The following LARP1B variants were observed in gnomAD, a reference collection of about 807,000 sequenced individuals.
LARP1B encodes the protein la-related protein 1B.
A neutral mutation model predicts 114.2 loss-of-function variants in LARP1B; 76 were observed. That is an observed-to-expected ratio of 0.67 (90% CI 0.55 to 0.81). The LOEUF is 0.81. Ranked by LOEUF, LARP1B falls within the 30% of genes least tolerant of loss-of-function variation. The probability of loss-of-function intolerance (pLI) is 0.00; values close to 1 mark genes in which losing one functional copy is unlikely to be tolerated. For synonymous variants in LARP1B, 345 were observed against 348.0 expected (o/e 0.99, Z 0.10); for missense variants, 1,014 against 1,075.8 (o/e 0.94, Z 0.80).
At chr4:128,141,287 A>G (rs973576664) in intron 11 of LARP1B, among the ~76,000 whole-genome samples, 19 of 152,156 alleles carry the variant, frequency 1.2e-4, no homozygotes, top group African/African-American at 4.3e-4. Flanking sequence ...ATCATTGGCT[A>G]GCGTCTGGGC....
chr4:128,115,207 A>G (rs1443854764), intron 10 of LARP1B, among the ~76,000 whole-genome samples: 1 of 152,166 alleles, frequency 6.6e-6, no homozygotes, highest in East Asian at 1.9e-4. Context: ...AAGTGCTGGG[A>G]TTAGAGGCAT....
chr4:128,194,552 G>A (rs1431481972), intron 15 of LARP1B, among the ~76,000 whole-genome samples: 1 of 151,480 alleles, frequency 6.6e-6, no homozygotes, highest in African/African-American at 2.4e-5. Flanking sequence ...GCATGGTGGC[G>A]GGCGCCTGTA....
chr4:128,214,012 T>A (rs1008714420), downstream of LARP1B, among the ~76,000 whole-genome samples: 1 of 150,458 alleles, frequency 6.6e-6, no homozygotes, highest in African/African-American at 2.5e-5. Flanking sequence ...GGTCAGGGAG[T>A]TCCCTTTCCG....
At chr4:128,190,900 T>C (rs1752050166) in intron 15 of LARP1B, among the ~76,000 whole-genome samples, 1 of 152,262 alleles carries the variant, frequency 6.6e-6, no homozygotes, top group Non-Finnish European at 1.5e-5. Flanking sequence ...ATAAGCTTAC[T>C]ACTCCTTGCT....
intron 11 of LARP1B, chr4:128,123,417 A>T (rs1304163676): frequency 1.1e-6 from 1 of 934,632 alleles, no homozygotes; most frequent in East Asian, 1.2e-4. Context: ...TAGAACAGAG[A>T]TACTAGTACA....
At chr4:128,221,543 C>G (rs6849865) in intron 7 of LARP1B, among the ~76,000 whole-genome samples, 97,628 of 152,056 alleles carry the variant, frequency 0.64, 32,861 homozygotes, top group Middle Eastern at 0.83. Flanking sequence ...AAACCAGAAT[C>G]CGCTGCTATT....
intron 15 of LARP1B, among the ~76,000 whole-genome samples, chr4:128,195,948 T>C (rs1007742198): frequency 2.0e-5 from 3 of 151,804 alleles, no homozygotes; most frequent in African/African-American, 7.3e-5. Context: ...CTTACAGAGA[T>C]AAAAAGGATA....
At chr4:128,140,084 A>G (rs1170245415) in intron 11 of LARP1B, among the ~76,000 whole-genome samples, 1 of 152,268 alleles carries the variant, frequency 6.6e-6, no homozygotes, top group Non-Finnish European at 1.5e-5. Context: ...AAAATATCTC[A>G]AATTTTAATA....
intron 11 of LARP1B, among the ~76,000 whole-genome samples, chr4:128,139,931 C>T (rs1312609219): frequency 6.6e-6 from 1 of 152,034 alleles, no homozygotes; most frequent in Non-Finnish European, 1.5e-5. Flanking sequence ...CATTTCCACT[C>T]AGGAATATAT....
intron 15 of LARP1B, among the ~76,000 whole-genome samples, chr4:128,191,545 G>T (rs929685277): frequency 1.3e-5 from 2 of 152,138 alleles, no homozygotes; most frequent in Admixed American, 1.3e-4. Flanking sequence ...CTGTCAGATG[G>T]TGGGGGTGGC....
Position 128,122,177 on chromosome 4 carries a change from A to T in LARP1B, c.1513A>T (p.Thr505Ser). The change falls in exon 11 of 20, where the codon ACA becomes TCA. Residue 505 changes from threonine (T) to serine (S), a missense_variant. Transcript: ENST00000326639. ...GATGGAAGAAGATGAAAACAAACAC[A>T]CAGCCATAAAGGTAATTGTTTCTGG... ...LWMEEDENKH[T>S]AIKQEVENFK... 1 of 1,613,824 alleles carries T rather than the reference A, an allele frequency of 6.2e-7. No homozygotes were observed. Among genetic ancestry groups the T allele is most frequent in the Non-Finnish European group, 8.5e-7 (1 of 1,179,786 alleles).
chr4:128,096,214 C>T (rs1043826730), intron 7 of LARP1B, among the ~76,000 whole-genome samples: 6 of 152,096 alleles, frequency 3.9e-5, no homozygotes, highest in Admixed American at 6.5e-5. Flanking sequence ...AGGATGGTCT[C>T]GATCTTCTGA....
chr4:128,185,363 G>A (rs530394972), intron 15 of LARP1B, among the ~76,000 whole-genome samples: 1 of 152,178 alleles, frequency 6.6e-6, no homozygotes, highest in East Asian at 1.9e-4. Flanking sequence ...CTTGATAAAA[G>A]CCATTTTAAC....
intron 11 of LARP1B, among the ~76,000 whole-genome samples, chr4:128,149,913 G>A (rs541077056): frequency 9.2e-5 from 14 of 152,208 alleles, no homozygotes; most frequent in Admixed American, 7.9e-4. Flanking sequence ...AGCATTTTGG[G>A]AGGCAGAGGC....
At chr4:128,110,462 A>G (rs1783662465) in intron 9 of LARP1B, among the ~76,000 whole-genome samples, 1 of 150,738 alleles carries the variant, frequency 6.6e-6, no homozygotes, top group Non-Finnish European at 1.5e-5. Context: ...TCACGAGGTC[A>G]GGAGATCGAG....
intron 11 of LARP1B, among the ~76,000 whole-genome samples, chr4:128,148,826 CAT>C (rs1337050707): frequency 6.6e-6 from 1 of 152,044 alleles, no homozygotes; most frequent in African/African-American, 2.4e-5. Context: ...GGGGTTTCAC[CAT>C]GTTGGCCTGG....
chr4:128,096,937 C>T (rs1561189466), intron 7 of LARP1B, among the ~76,000 whole-genome samples: 1 of 151,866 alleles, frequency 6.6e-6, no homozygotes, highest in Non-Finnish European at 1.5e-5. Flanking sequence ...GTCTTGCTCT[C>T]GCCCAGGCTG....
intron 8 of LARP1B, among the ~76,000 whole-genome samples, chr4:128,102,508 C>T (rs533757578): frequency 2.0e-5 from 3 of 152,278 alleles, no homozygotes; most frequent in Non-Finnish European, 4.4e-5. Context: ...TGAATATGCT[C>T]AAGTTTTTCC....
At chr4:128,127,728 G>A (rs1790110346) in intron 11 of LARP1B, among the ~76,000 whole-genome samples, 1 of 152,154 alleles carries the variant, frequency 6.6e-6, no homozygotes, top group African/African-American at 2.4e-5. Context: ...AGCTACTTGG[G>A]AGGCTGAGGC....
Sources: gnomAD v4.1 joint callset for allele counts (sites outside exome capture counted in the v4.1 genomes callset) on GRCh38, gnomAD v4.1.1 for gene constraint, MANE v1.5 for transcripts, NCBI Gene and HGNC (gene_info 2026-07-23, HGNC 2026-07-21) for gene names.